Variants in CYP11A1 observed in about 807,000 individuals in gnomAD.
The protein encoded by CYP11A1 is cytochrome P450 family 11 subfamily A member 1.
Under a neutral mutation model 51.9 loss-of-function variants are expected in CYP11A1, and 25 were observed. That is an observed-to-expected ratio of 0.48 (90% CI 0.35 to 0.67). The LOEUF (loss-of-function observed/expected upper bound fraction) is 0.67. CYP11A1 is among the 30% of genes least tolerant of loss of function. The probability of loss-of-function intolerance (pLI) is 0.00; values close to 1 mark genes in which losing one functional copy is unlikely to be tolerated. For synonymous variants in CYP11A1, 245 were observed against 262.1 expected, an observed-to-expected ratio of 0.93 and a Z score of 0.63; for missense variants, 578 against 680.9, an observed-to-expected ratio of 0.85 and a Z score of 1.68.
chr15:74,338,954 C>T (rs923914796), intron 7 of CYP11A1, among the ~76,000 whole-genome samples, 186 bp from the exon 8 acceptor site: 4 of 152,206 alleles, frequency 2.6e-5, no homozygotes, highest in Admixed American at 2.0e-4. Context: ...CCTCTGTAAT[C>T]CTTACCCACC....
intron 1 of CYP11A1, chr15:74,361,755 T>C (rs1056645486): frequency 2.4e-6 from 3 of 1,262,180 alleles, no homozygotes; most frequent in East Asian, 2.3e-5. Context: ...TGACTTCATA[T>C]GCCATAATGG....
chr15:74,363,879 T>C (rs1443886671), intron 1 of CYP11A1: 3 of 152,180 alleles, frequency 2.0e-5, no homozygotes, highest in African/African-American at 7.2e-5. Context: ...TCAACAAAAT[T>C]CTGGGAGGCC....
intron 5 of CYP11A1, among the ~76,000 whole-genome samples, chr15:74,341,613 G>T (rs2060607392): frequency 6.6e-6 from 1 of 152,142 alleles, no homozygotes; most frequent in Admixed American, 6.5e-5. Flanking sequence ...GCAGGTGCTT[G>T]CCTCTGTCAC....
chr15:74,365,227 C>T (rs2060726802), intron 1 of CYP11A1, among the ~76,000 whole-genome samples: 1 of 151,006 alleles, frequency 6.6e-6, no homozygotes, highest in African/African-American at 2.4e-5. Context: ...CCAGGTGTGG[C>T]TGAAAGGCTG....
At position 74,360,592 on chromosome 15, in the gene CYP11A1, C is replaced by A. The variant is rs527276420; in HGVS notation, c.269+6725G>T. Among the ~76,000 whole-genome samples, 21 of 150,782 alleles carry A rather than the reference C, an allele frequency of 1.4e-4. No homozygotes were observed. In the South Asian group the frequency reaches 3.7e-3, roughly 26 times the overall value. On this transcript the variant is annotated intron_variant, in intron 1 of 8. Transcript: ENST00000268053. ...AGCCACCGCGCCTGGCCTAACTTAC[C>A]AGGTTTTATGTTAAAATTCGCCATT...
chr15:74,358,067 C>T (rs572814961), intron 1 of CYP11A1, among the ~76,000 whole-genome samples: 1 of 152,308 alleles, frequency 6.6e-6, no homozygotes, highest in South Asian at 2.1e-4. Context: ...AAGAGGTCTC[C>T]TCACTACACA....
intron 4 of CYP11A1, 136 bp downstream of exon 4, chr15:74,343,653 C>A: frequency 1.2e-6 from 1 of 808,634 alleles, no homozygotes; most frequent in Admixed American, 1.7e-5. Flanking sequence ...CCAGGGCCTT[C>A]CTGACACCCA....
In CYP11A1 at chr15:74,347,961, G is replaced by A. The variant is rs759868948; in HGVS notation, c.364C>T (p.Leu122Phe). The change falls in exon 2 of 9, where the codon CTC (leucine) becomes TTC (phenylalanine). Residue 122 changes from leucine to phenylalanine, a missense_variant. Leu to Phe is a conservative substitution (Grantham distance 22). Coordinates refer to ENST00000268053, the MANE Select transcript of CYP11A1 (RefSeq NM_000781.3). ...KSEGPNPERF[L>F]IPPWVAYHQY... ...TGATAGGCGACCCAGGGCGGGATGA[G>A]GAATCGTTCTGGGTTGGGGCCCTCG... 6.2e-7 allele frequency: 1 copy of A among 1,614,206 alleles called. No individual in the cohort carries two copies. Among genetic ancestry groups the A allele is most frequent in the South Asian group, 1.1e-5 (1 of 91,086 alleles).
intron 2 of CYP11A1, among the ~76,000 whole-genome samples, chr15:74,346,800 C>CTTTTTTT (rs1046360822): frequency 7.6e-6 from 1 of 131,768 alleles, no homozygotes; most frequent in Non-Finnish European, 1.6e-5. Context: ...CTTTTCTTTT[C>CTTTTTTT]TTTTTTTTTT....
chr15:74,357,648 C>T (rs1338761973), intron 1 of CYP11A1, among the ~76,000 whole-genome samples: 1 of 152,210 alleles, frequency 6.6e-6, no homozygotes, highest in Admixed American at 6.5e-5. Context: ...ACTCATCCAA[C>T]CCTTTTTCAT....
At chr15:74,344,247 TC>T (rs2060622130) in intron 3 of CYP11A1, among the ~76,000 whole-genome samples, 2 of 152,176 alleles carry the variant, frequency 1.3e-5, no homozygotes, top group African/African-American at 2.4e-5. Context: ...AAGCAGGGTC[TC>T]CAGCAGAGCT....
chr15:74,362,113 C>A, intron 1 of CYP11A1: 2 of 956,498 alleles, frequency 2.1e-6, no homozygotes, highest in South Asian at 1.4e-5. Context: ...GCACCCTCCA[C>A]CCCATTTGCT....
At chr15:74,351,225 T>G (rs1168030926) in intron 1 of CYP11A1, among the ~76,000 whole-genome samples, 3 of 152,162 alleles carry the variant, frequency 2.0e-5, no homozygotes, top group Non-Finnish European at 2.9e-5. Flanking sequence ...TGTTTCCTAG[T>G]AGCTCCTTGG....
Position 74,337,914 on chromosome 15 carries a change from C to A in CYP11A1, c.*58G>T. 6.2e-7 allele frequency: 1 copy of A among 1,607,758 alleles called. No homozygotes were observed. Among genetic ancestry groups the A allele is most frequent in the African/African-American group, 1.3e-5 (1 of 74,848 alleles). On this transcript the variant is annotated 3_prime_UTR_variant, in exon 9 of 9. Coordinates refer to ENST00000268053, the MANE Select transcript of CYP11A1 (RefSeq NM_000781.3). ...GGACAGACGACTGAAGATGCAGAGA[C>A]CCCATGGGCCCCACCCCTGGGCCTT...
chr15:74,342,997 G>T lies in CYP11A1; in HGVS notation c.970C>A (p.Leu324Met). The T allele has an allele frequency of 1.2e-6, 2 of 1,612,516 alleles. No homozygotes were observed. The highest frequency in any genetic ancestry group is 1.1e-5 in the South Asian group (1 of 91,006). The change falls in exon 5 of 9, where the codon CTG becomes ATG. Residue 324 changes from leucine to methionine, a missense_variant. Physicochemically the swap from Leu to Met is conservative, Grantham distance 15. Coordinates refer to ENST00000268053, the MANE Select transcript of CYP11A1 (RefSeq NM_000781.3). ...EDIKANVTEM[L>M]AGGVDTTSMT... ...CTCACCGTGTCCACCCCTCCTGCCA[G>T]CATCTCTGTGACGTTGGCCTTGATG...
chr15:74,355,533 C>T (rs2060675262), intron 1 of CYP11A1, among the ~76,000 whole-genome samples: 1 of 152,140 alleles, frequency 6.6e-6, no homozygotes, highest in African/African-American at 2.4e-5. Context: ...ACCGACCCAT[C>T]TGACCTCTCC....
rs531645503 is a variant in CYP11A1 at position 74,345,937 on chromosome 15, G to T, written c.426-694C>A. Among the ~76,000 whole-genome samples the T allele has an allele frequency of 1.1e-4, 17 of 152,248 alleles. No homozygotes were observed. The highest frequency in any genetic ancestry group is 1.4e-4 in the African/African-American group (6 of 41,544). On this transcript the variant is annotated intron_variant, in intron 2 of 8. Transcript: ENST00000268053. This position sits in a 1 kb window ranked among gnomAD's most constrained non-coding sequence, Gnocchi z 4.3. ...CCCTCCTGGTCCTTCCACATCCTTT[G>T]TTCCCTTCTAAGGAGACCACCCACT... is the stretch of plus-strand genomic sequence containing the variant.
At chr15:74,353,152 T>G (rs1027671113) in intron 1 of CYP11A1, among the ~76,000 whole-genome samples, 5 of 152,220 alleles carry the variant, frequency 3.3e-5, no homozygotes, top group African/African-American at 1.2e-4. Flanking sequence ...AAGGAAAGAA[T>G]AATTTTGTCT....
intron 1 of CYP11A1, chr15:74,350,972 C>G (rs1211511888): frequency 2.6e-5 from 4 of 152,176 alleles, no homozygotes; most frequent in Admixed American, 2.6e-4. Flanking sequence ...GTTTTTCTCC[C>G]TTTCCTTTCT....
Sources: allele counts gnomAD v4.1 joint callset (sites outside exome capture counted in the v4.1 genomes callset), GRCh38; gene constraint gnomAD v4.1.1; non-coding constraint Gnocchi (gnomAD v3.1); transcripts MANE v1.5; gene names NCBI Gene and HGNC (gene_info 2026-07-23, HGNC 2026-07-21).